Variants in ZNF808 observed in about 807,000 individuals in gnomAD.
ZNF808 encodes zinc finger protein 808.
In ZNF808, 5 loss-of-function variants were observed where a neutral mutation model predicts 8.7. That is an observed-to-expected ratio of 0.58 (90% CI 0.30 to 1.21). The LOEUF is 1.21. Ranked by LOEUF, ZNF808 falls within the 50% of genes most tolerant of loss-of-function variation. The probability of loss-of-function intolerance (pLI) is 0.07; values close to 1 mark genes in which losing one functional copy is unlikely to be tolerated. For missense variants in ZNF808, 1,103 were observed against 1,098.4 expected (o/e 1.00, Z -0.06); for synonymous variants, 380 against 366.0 (o/e 1.04, Z -0.44).
chr19:52,560,977 A>C (rs950833884), downstream of ZNF808, among the ~76,000 whole-genome samples: 12 of 152,084 alleles, frequency 7.9e-5, no homozygotes, highest in African/African-American at 2.9e-4. Flanking sequence ...TCACTGAGTA[A>C]GTCAAGACCT....
rs1230356888 is a variant in ZNF808 at position 52,554,019 on chromosome 19, T to A, written c.1103T>A (p.Val368Glu). The change falls in exon 5 of 5, where the codon GTG becomes GAG. Residue 368 changes from valine (V) to glutamate (E), a missense_variant. Transcript: ENST00000359798. ...CGCCATCAAAGACTTCATACTGGAG[T>A]GAAACCTTACAAATGTAAGATTTGT... ...LSRHQRLHTG[V>E]KPYKCKICEK... The A allele has an allele frequency of 3.7e-6, 6 of 1,613,414 alleles. No homozygotes were observed. The African/African-American group carries it at 6.7e-5, about 18-fold the overall frequency.
At chr19:52,530,297 G>A (rs2059549701) in intron 1 of ZNF808, among the ~76,000 whole-genome samples, 1 of 152,034 alleles carries the variant, frequency 6.6e-6, no homozygotes, top group South Asian at 2.1e-4. Context: ...CCTACCTCAA[G>A]TGACCCGCTG....
At chr19:52,546,706 C>T (rs866978639) in intron 3 of ZNF808, among the ~76,000 whole-genome samples, 34 of 132,334 alleles carry the variant, frequency 2.6e-4, no homozygotes, top group African/African-American at 8.5e-4. Context: ...TGAAGTGGTG[C>T]GATCTCGGCT....
chr19:52,568,702 GGTGGCTATTCTCATGCTTT>G (rs983317258), downstream of ZNF808, among the ~76,000 whole-genome samples: 25 of 152,144 alleles, frequency 1.6e-4, no homozygotes, highest in East Asian at 1.5e-3. Context: ...GAGGTTTCCA[GGTGGCTATTCTCATGCTTT>G]GTGTCCAAAT....
chr19:52,542,709 G>T (rs777084173), intron 2 of ZNF808, among the ~76,000 whole-genome samples: 25 of 152,282 alleles, frequency 1.6e-4, no homozygotes, highest in Non-Finnish European at 1.6e-4. Context: ...GGTTTGGTCT[G>T]GGAAGGCGGG....
intron 2 of ZNF808, among the ~76,000 whole-genome samples, 166 bp downstream of exon 2, chr19:52,533,175 CTTTCT>C (rs752958982): frequency 1.3e-5 from 2 of 152,000 alleles, no homozygotes; most frequent in African/African-American, 2.4e-5. Flanking sequence ...AGTATGTTTT[CTTTCT>C]TTTCTTTTGT....
downstream of ZNF808, among the ~76,000 whole-genome samples, chr19:52,558,892 C>A (rs922717070): frequency 6.6e-6 from 1 of 152,174 alleles, no homozygotes; most frequent in Admixed American, 6.6e-5. Flanking sequence ...AAGGGCTGTT[C>A]AGGATGTGCT....
Position 52,547,676 on chromosome 19 carries a change from C to T in ZNF808, c.190+38C>T, listed in dbSNP as rs145488326. The T allele has an allele frequency of 1.0e-3, 1,626 of 1,609,430 alleles. 12 individuals are homozygous for T. In the African/African-American group the frequency reaches 0.013, roughly 13 times the overall value. ...TCCCTGCAGACATGAGGAGTCTGCTCCTGTCTATCTTGGCTCTTCCTGGTT... is the reference window on the plus strand; with the variant it reads ...TCCCTGCAGACATGAGGAGTCTGCTTCTGTCTATCTTGGCTCTTCCTGGTT... On this transcript the variant is annotated intron_variant, in intron 4 of 4. Transcript: ENST00000359798.
chr19:52,561,080 A>AGAAC (rs1409914340), downstream of ZNF808, among the ~76,000 whole-genome samples: 2 of 151,954 alleles, frequency 1.3e-5, no homozygotes, highest in East Asian at 3.9e-4. Flanking sequence ...GGATGGCTTC[A>AGAAC]GAACCACTGT....
chr19:52,563,556 T>C (rs1245595559), exon 4 of ZNF808: 1 of 152,406 alleles, frequency 6.6e-6, no homozygotes, highest in Non-Finnish European at 1.5e-5. Flanking sequence ...ATTGTAAAGT[T>C]TGGGTACAGG....
Position 52,553,521 on chromosome 19 carries a change from T to G in ZNF808, c.605T>G (p.Ile202Ser). The G allele has an allele frequency of 6.2e-7, 1 of 1,614,070 alleles. No homozygotes were observed. The highest frequency in any genetic ancestry group is 1.3e-5 in the African/African-American group (1 of 75,010). The change falls in exon 5 of 5, where the codon ATC becomes AGC. Residue 202 changes from isoleucine to serine, a missense_variant. By Grantham distance (142) the Ile-to-Ser change is moderately radical. Coordinates refer to ENST00000359798, the MANE Select transcript of ZNF808 (RefSeq NM_001039886.4). ...TSQRISCRPQ[I>S]HISNNYGNNP... The stretch of plus-strand genomic sequence containing the variant: ...CAAAGAATTTCCTGTAGGCCCCAAA[T>G]CCATATTTCTAATAACTATGGGAAT...
At chr19:52,528,242 C>A (rs2059528483) in intron 1 of ZNF808, among the ~76,000 whole-genome samples, 1 of 152,202 alleles carries the variant, frequency 6.6e-6, no homozygotes, top group Admixed American at 6.5e-5. Context: ...TTCCATTGAA[C>A]CCACACTGGG....
intron 1 of ZNF808, among the ~76,000 whole-genome samples, 166 bp from the exon 2 acceptor site, chr19:52,532,742 T>TGCC (rs879507038): frequency 0.32 from 48,373 of 152,122 alleles, 8,434 homozygotes; most frequent in East Asian, 0.5. Flanking sequence ...GTAAAGTATT[T>TGCC]ATTAAGTATT....
exon 4 of ZNF808, chr19:52,564,417 TC>T: frequency 3.3e-6 from 1 of 302,798 alleles, no homozygotes; most frequent in Non-Finnish European, 6.1e-6. Flanking sequence ...GTGAGACCTT[TC>T]ATTTCAAAAA....
intron 3 of ZNF808, among the ~76,000 whole-genome samples, chr19:52,546,187 A>AG (rs2059718079): frequency 9.2e-6 from 1 of 108,558 alleles, no homozygotes; most frequent in Non-Finnish European, 1.7e-5. Context: ...TCATCATAAC[A>AG]GTTTTTTTTT....
chr19:52,564,233 G>C (rs1825852824), exon 4 of ZNF808: 1 of 932,332 alleles, frequency 1.1e-6, no homozygotes, highest in African/African-American at 1.6e-5. Flanking sequence ...GGTCTATAAG[G>C]AATTGCACGT....
Position 52,553,771 on chromosome 19 carries a change from A to G in ZNF808, c.855A>G (p.Lys285=), listed in dbSNP as rs770213526. 4 of 1,614,154 alleles carry G rather than the reference A, an allele frequency of 2.5e-6. No homozygotes were observed. The highest frequency in any genetic ancestry group is 3.4e-6 in the Non-Finnish European group (4 of 1,180,016). The change falls in exon 5 of 5, where the codon AAA becomes AAG. Residue 285 remains lysine, a synonymous_variant. Coordinates refer to ENST00000359798, the MANE Select transcript of ZNF808 (RefSeq NM_001039886.4). Reference sequence around the variant, plus strand: ...ATCGTAGATGTCACACTGGAGAGAAACCTTACAAGTGTAAAGAGTGTGGAA... The same window carrying G: ...ATCGTAGATGTCACACTGGAGAGAAGCCTTACAAGTGTAAAGAGTGTGGAA... ...ACHRRCHTGE[K]PYKCKECGKS...
chr19:52,554,742 C>T lies in ZNF808; in HGVS notation c.1826C>T (p.Ala609Val). 6.2e-7 allele frequency: 1 copy of T among 1,613,626 alleles called. No homozygotes were observed. Among genetic ancestry groups the T allele is most frequent in the Non-Finnish European group, 8.5e-7 (1 of 1,179,822 alleles). ...GACAAAGTTTTTGGTCAGAAATCAG[C>T]TCTTGAGTCACATAAGAGAATTCAT... is the stretch of plus-strand genomic sequence containing the variant. Reference protein sequence around the residue: ...ACDKVFGQKSALESHKRIHTG... With the variant: ...ACDKVFGQKSVLESHKRIHTG... Residue 609 changes from alanine to valine, a missense_variant, in exon 5 of 5, where the codon GCT becomes GTT. Transcript: ENST00000359798.
At chr19:52,551,117 C>T (rs1041940985) in intron 4 of ZNF808, among the ~76,000 whole-genome samples, 3 of 151,926 alleles carry the variant, frequency 2.0e-5, no homozygotes, top group African/African-American at 4.8e-5. Flanking sequence ...TTTGGGAGGG[C>T]GAGACGGGTG....
Sources: allele counts gnomAD v4.1 joint callset (sites outside exome capture counted in the v4.1 genomes callset), GRCh38; gene constraint gnomAD v4.1.1; transcripts MANE v1.5; gene names NCBI Gene and HGNC (gene_info 2026-07-23, HGNC 2026-07-21).